Variants in SGCD observed in about 807,000 individuals in gnomAD.
SGCD encodes the protein sarcoglycan delta.
A neutral mutation model predicts 36.6 loss-of-function variants in SGCD; 18 were observed. The observed-to-expected ratio is 0.49, with a 90% CI of 0.34 to 0.73. SGCD has a LOEUF of 0.73. Among genes scored for constraint, SGCD ranks in the 30% least tolerant of loss-of-function variants. The pLI is 0.01. For missense variants in SGCD, 387 were observed against 346.7 expected, an observed-to-expected ratio of 1.12 and a Z score of -0.92; for synonymous variants, 133 against 130.6, an observed-to-expected ratio of 1.02 and a Z score of -0.12.
rs1757550557 is a variant in SGCD, at chr5:156,764,419, C to CCAGCA, written c.*5037_*5041dup. 1 of 152,600 alleles carries CCAGCA rather than the reference C, an allele frequency of 6.6e-6. No homozygotes were observed. 9.5% of individuals were successfully genotyped at this position (152,600 alleles called of 1,614,324 possible). On this transcript the variant is annotated 3_prime_UTR_variant, in exon 9 of 9. Coordinates refer to ENST00000337851, the MANE Select transcript of SGCD (RefSeq NM_000337.6). Reference sequence around the variant, plus strand: ...AGCAGTCTGAAGCCTGCTGCTTCAGCCAGCACAGCACACCACACACGCTCG... The same window carrying CCAGCA: ...AGCAGTCTGAAGCCTGCTGCTTCAGCCAGCACAGCACAGCACACCACACACGCTCG...
At chr5:156,482,543 G>C (rs777377932) in intron 3 of SGCD, among the ~76,000 whole-genome samples, 1 of 152,032 alleles carries the variant, frequency 6.6e-6, no homozygotes, top group South Asian at 2.1e-4. Flanking sequence ...GGACAGTAAT[G>C]GTTGCTAACT....
At chr5:156,288,719 T>C (rs1297578552) in intron 3 of SGCD, among the ~76,000 whole-genome samples, 1 of 152,176 alleles carries the variant, frequency 6.6e-6, no homozygotes, top group Non-Finnish European at 1.5e-5. Flanking sequence ...AGTTCAATTT[T>C]TTTTTCCTGA....
chr5:156,605,902 T>C (rs575578182), intron 6 of SGCD, among the ~76,000 whole-genome samples: 1 of 152,350 alleles, frequency 6.6e-6, no homozygotes, highest in African/African-American at 2.4e-5. Context: ...GGTTGTTTTT[T>C]TCTCGTAAAT....
chr5:155,761,811 T>C, the SGCD span, among the ~76,000 whole-genome samples: 1 of 151,890 alleles, frequency 6.6e-6, no homozygotes, highest in African/African-American at 2.4e-5. Flanking sequence ...ATCCTCACCA[T>C]CAACCTTTCC....
chr5:156,025,032 A>T (rs1759197166), intron 1 of SGCD, among the ~76,000 whole-genome samples: 1 of 151,990 alleles, frequency 6.6e-6, no homozygotes, highest in South Asian at 2.1e-4. Context: ...GGGGTAGATT[A>T]TACTGGAGTA....
intron 3 of SGCD, among the ~76,000 whole-genome samples, chr5:156,318,807 G>T (rs1166240328): frequency 1.3e-5 from 2 of 152,216 alleles, no homozygotes; most frequent in African/African-American, 2.4e-5. Context: ...CGTTGGCCAG[G>T]CTGGTCTCGA....
chr5:156,177,885 A>T (rs59869767), intron 3 of SGCD, among the ~76,000 whole-genome samples: 44,618 of 151,936 alleles, frequency 0.29, 6,985 homozygotes, highest in East Asian at 0.57. Flanking sequence ...GAATTTTTTT[A>T]AATCACTTGG....
intron 1 of SGCD, among the ~76,000 whole-genome samples, chr5:155,878,784 A>C (rs193169783): frequency 6.6e-6 from 1 of 152,266 alleles, no homozygotes; most frequent in South Asian, 2.1e-4. Context: ...TTCATATCCA[A>C]TAGAATAAAC....
rs1765206891 is a variant in SGCD, at chr5:156,237,884, G to A, written c.-43-91650G>A. On this transcript the variant is annotated intron_variant, in intron 3 of 9. Transcript: ENST00000517913. ...CCTTGCCTCAAAACAAATGATAACT[G>A]AATAGGGAAAATAAGAAACAATACA... 2.6e-5 allele frequency among the ~76,000 whole-genome samples: 4 copies of A among 151,908 alleles called. No homozygotes were observed. The South Asian group carries it at 8.3e-4, about 32-fold the overall frequency.
chr5:156,225,835 G>C (rs979700278), intron 3 of SGCD, among the ~76,000 whole-genome samples: 16 of 151,764 alleles, frequency 1.1e-4, no homozygotes, highest in African/African-American at 3.4e-4. Flanking sequence ...AAACCTTAAA[G>C]GTTAAGAGAG....
chr5:156,209,885 C>G lies in SGCD; in HGVS notation c.-44+85866C>G, dbSNP rs533392071. ...CTTACACCCAAGACCCAGACCTGCC[C>G]CCACAAATTTGGGCCTCAGTGCCAC... On this transcript the variant is annotated intron_variant, in intron 3 of 9. Transcript: ENST00000517913. Among the ~76,000 whole-genome samples, 67 of 152,230 alleles carry G rather than the reference C, an allele frequency of 4.4e-4. 1 individual carries two copies. In the East Asian group the frequency reaches 0.013, roughly 29 times the overall value.
intron 7 of SGCD, among the ~76,000 whole-genome samples, chr5:156,745,782 CA>C (rs1561893249): frequency 6.6e-6 from 1 of 151,864 alleles, no homozygotes; most frequent in Non-Finnish European, 1.5e-5. Context: ...AATACAATCT[CA>C]AAAAGCAAAA....
intron 1 of SGCD, among the ~76,000 whole-genome samples, chr5:156,053,607 C>A (rs77332121): frequency 0.13 from 18,691 of 145,874 alleles, 4,163 homozygotes; most frequent in African/African-American, 0.39. Flanking sequence ...GTGTGATTCC[C>A]CTGGCCATGT....
In SGCD at chr5:156,269,469, C is replaced by CAA. The variant is rs60893052; in HGVS notation, c.-43-60025_-43-60024dup. ...TAGGGGACAGAGTGAGACTCCGTCT[C>CAA]AAAAAAAAAAAAAAAAAAAAAAAAA... On this transcript the variant is annotated intron_variant, in intron 3 of 9. Coordinates refer to the SGCD transcript ENST00000517913. 1.0e-3 allele frequency among the ~76,000 whole-genome samples: 31 copies of CAA among 30,472 alleles called. 6 individuals carry two copies. The highest frequency in any genetic ancestry group is 2.6e-3 in the East Asian group (1 of 392). The allele number at this position is 30,472 out of a possible 152,430, so 20.0% of individuals were successfully genotyped here.
At chr5:155,910,949 T>A (rs1580986144) in intron 1 of SGCD, among the ~76,000 whole-genome samples, 2 of 152,222 alleles carry the variant, frequency 1.3e-5, no homozygotes, top group East Asian at 3.9e-4. Context: ...AAGAGGATGA[T>A]TTCAGGGCCT....
intron 3 of SGCD, among the ~76,000 whole-genome samples, chr5:156,236,964 C>A (rs1765181465): frequency 6.6e-6 from 1 of 151,644 alleles, no homozygotes; most frequent in Admixed American, 6.6e-5. Flanking sequence ...CTCCCTAGTA[C>A]CTGGGATTAC....
At position 156,054,840 on chromosome 5, in the gene SGCD, G is replaced by A. The variant is rs374292189; in HGVS notation, c.-281-63038G>A. Among the ~76,000 whole-genome samples, 13 of 146,670 alleles carry A rather than the reference G, an allele frequency of 8.9e-5. No individual in the cohort carries two copies. In the East Asian group the frequency reaches 2.5e-3, roughly 28 times the overall value. On this transcript the variant is annotated intron_variant, in intron 1 of 9. Transcript: ENST00000517913. ...ATATTAAGTTATAAATACACAAACA[G>A]GGTTACTGGACTTTACATTATTCTT...
At chr5:155,965,679 A>G (rs1757887229) in intron 1 of SGCD, among the ~76,000 whole-genome samples, 1 of 152,068 alleles carries the variant, frequency 6.6e-6, no homozygotes, top group South Asian at 2.1e-4. Context: ...ACATCTGGAG[A>G]CTACTGTGCA....
chr5:156,035,286 T>C (rs1374845010), intron 1 of SGCD, among the ~76,000 whole-genome samples: 1 of 151,984 alleles, frequency 6.6e-6, no homozygotes, highest in Non-Finnish European at 1.5e-5. Context: ...CTTAACAGAG[T>C]GGTTAAAACA....
Sources: gnomAD v4.1 joint callset for allele counts (sites outside exome capture counted in the v4.1 genomes callset) on GRCh38, gnomAD v4.1.1 for gene constraint, MANE v1.5 for transcripts, NCBI Gene and HGNC (gene_info 2026-07-23, HGNC 2026-07-21) for gene names.